Variants in ASPM observed in about 807,000 individuals in gnomAD.
ASPM encodes abnormal spindle-like microcephaly-associated protein.
In ASPM, 256 loss-of-function variants were observed where a neutral mutation model predicts 366.4. The ratio of observed to expected loss-of-function variants is 0.70; its 90% confidence interval spans 0.63 to 0.77. The LOEUF (loss-of-function observed/expected upper bound fraction) is 0.77. ASPM is among the 30% of genes least tolerant of loss of function. The pLI, the probability that ASPM is intolerant of heterozygous loss-of-function variation, is 0.00. For missense variants in ASPM, 4,146 were observed against 4,090.4 expected, an observed-to-expected ratio of 1.01 and a Z score of -0.37; for synonymous variants, 1,414 against 1,342.9, an observed-to-expected ratio of 1.05 and a Z score of -1.16.
At position 197,100,645 on chromosome 1, in the gene ASPM, T is replaced by C; in HGVS notation, c.8606A>G (p.Tyr2869Cys). 2 of 1,612,196 alleles carry C rather than the reference T, an allele frequency of 1.2e-6. No homozygotes were observed. The highest frequency in any genetic ancestry group is 1.7e-6 in the Non-Finnish European group (2 of 1,178,904). The change falls in exon 18 of 28, where the codon TAT becomes TGT. Residue 2869 changes from tyrosine to cysteine, a missense_variant. This residue lies in a region of ASPM where 3,624 missense variants were observed against 3,591.7 expected (regional missense o/e 1.01). Coordinates refer to ENST00000367409, the MANE Select transcript of ASPM (RefSeq NM_018136.5). The stretch of plus-strand genomic sequence containing the variant: ...TTTTCTGGTTTGCCACGTCCTAAAA[T>C]AATGCTGTAAAGTGATAGCAGCTCT... The part of the protein sequence containing the change: ...QKRAAITLQH[Y>C]FRTWQTRKQF...
In ASPM at chr1:197,124,833, T is replaced by C. The variant is rs776069144; in HGVS notation, c.3168+37A>G. On this transcript the variant is annotated intron_variant, in intron 12 of 27. Transcript: ENST00000367409. ...TGTTTTTATAAATCAGTAATCAAAA[T>C]TGATAAAAAATACAAGATGTACCAA... 9.5e-6 allele frequency: 14 copies of C among 1,468,878 alleles called. No homozygotes were observed. The South Asian group carries it at 1.3e-4, about 13-fold the overall frequency. The allele number at this position is 1,468,878 out of a possible 1,614,324, so 91.0% of individuals were successfully genotyped here.
intron 4 of ASPM, among the ~76,000 whole-genome samples, chr1:197,136,645 G>A (rs528867695): frequency 9.2e-5 from 14 of 151,760 alleles, no homozygotes; most frequent in East Asian, 3.9e-4. Flanking sequence ...ATACACAAAA[G>A]GAAATGAGAA....
intron 7 of ASPM, among the ~76,000 whole-genome samples, chr1:197,131,930 G>T (rs1432518412): frequency 6.6e-6 from 1 of 152,086 alleles, no homozygotes; most frequent in Non-Finnish European, 1.5e-5. Context: ...ACTTCACTGG[G>T]TTTTAAGAAA....
chr1:197,126,405 A>G (rs1252864291), intron 10 of ASPM, among the ~76,000 whole-genome samples: 2 of 135,328 alleles, frequency 1.5e-5, no homozygotes, highest in South Asian at 5.1e-4. Context: ...GTGCCACTGC[A>G]CGCCAGCCTG....
At position 197,089,958 on chromosome 1, in the gene ASPM, G is replaced by A; in HGVS notation, c.9956C>T (p.Ala3319Val). 1 of 1,613,176 alleles carries A rather than the reference G, an allele frequency of 6.2e-7. No individual in the cohort carries two copies. Among genetic ancestry groups the A allele is most frequent in the Non-Finnish European group, 8.5e-7 (1 of 1,179,436 alleles). ...SIPCMEVIRYAVQVLLNVSKY... is the reference protein window; with the variant it reads ...SIPCMEVIRYVVQVLLNVSKY... ...AGATACATTAAGCAAGACTTGCACA[G>A]CATATCTGATGACTTCCATACAAGG... The change falls in exon 25 of 28, where the codon GCT (alanine) becomes GTT (valine). Residue 3319 changes from alanine (A) to valine (V), a missense_variant. This residue lies in a region of ASPM where 3,624 missense variants were observed against 3,591.7 expected (regional missense o/e 1.01). Coordinates refer to ENST00000367409, the MANE Select transcript of ASPM (RefSeq NM_018136.5).
rs151142538 is a variant in ASPM, at chr1:197,093,070, A to G, written c.9276T>C (p.Gly3092=). ...TACTTACTCTTTTTCGTACTAGCCA[A>G]CCACGCACCAGTGCTTGTAGGATAA... The part of the protein sequence containing the change: ...STVILQALVR[G]WLVRKRFLEQ... Residue 3092 remains glycine (G), a synonymous_variant, in exon 21 of 28, where the codon GGT becomes GGC. Transcript: ENST00000367409. 1.8e-4 allele frequency: 294 copies of G among 1,610,864 alleles called. 1 individual carries two copies. The African/African-American group carries it at 3.7e-3, about 20-fold the overall frequency.
chr1:197,129,372 TC>T, intron 8 of ASPM, 55 bp from the exon 9 acceptor site: 1 of 1,555,600 alleles, frequency 6.4e-7, no homozygotes, highest in Non-Finnish European at 8.8e-7. Context: ...GTAGGTTTCA[TC>T]TTAAAATATG....
intron 18 of ASPM, 111 bp from the exon 19 acceptor site, chr1:197,096,275 A>T: frequency 1.1e-6 from 1 of 927,990 alleles, no homozygotes; most frequent in South Asian, 1.4e-5. Context: ...GACAAAAATA[A>T]ATTGCATAGT....
rs144909154 is a variant in ASPM, at chr1:197,104,257, T to C, written c.4994A>G (p.Tyr1665Cys). ...CTTTTTAGAAACATAAGCACGATAA[T>C]ATGATTGAATCTTTATAACAGATGT... is the stretch of plus-strand genomic sequence containing the variant. ...ILTSVIKIQSYYRAYVSKKEF... is the reference protein window; with the variant it reads ...ILTSVIKIQSCYRAYVSKKEF... Residue 1665 changes from tyrosine (Y) to cysteine (C), a missense_variant, in exon 18 of 28, where the codon TAT (tyrosine) becomes TGT (cysteine). Transcript: ENST00000367409. 5 of 1,612,800 alleles carry C rather than the reference T, an allele frequency of 3.1e-6. No individual in the cohort carries two copies. In the African/African-American group the frequency reaches 5.3e-5, roughly 17 times the overall value.
chr1:197,118,067 C>A, intron 16 of ASPM, 84 bp from the exon 17 acceptor site: 1 of 1,282,770 alleles, frequency 7.8e-7, no homozygotes, highest in Non-Finnish European at 1.1e-6. Flanking sequence ...ATATGTTAAA[C>A]ACCAATCAAA....
rs371985944 is a variant in ASPM, at chr1:197,103,322, T to A, written c.5929A>T (p.Ile1977Leu). 133 of 1,613,100 alleles carry A rather than the reference T, an allele frequency of 8.2e-5. No homozygotes were observed. The highest frequency in any genetic ancestry group is 1.1e-4 in the Non-Finnish European group (131 of 1,179,440). ...ACATGCATTCTATAGTATGACTGTA[T>A]GATGATAGCACATTTATGTTGCCTT... ...LQRQHKCAII[I>L]QSYYRMHVQQ... Residue 1977 changes from isoleucine (I) to leucine (L), a missense_variant, in exon 18 of 28, where the codon ATA becomes TTA. Ile to Leu is a conservative substitution (Grantham distance 5). Coordinates refer to ENST00000367409, the MANE Select transcript of ASPM (RefSeq NM_018136.5).
chr1:197,127,870 A>G (rs997242190), intron 10 of ASPM, among the ~76,000 whole-genome samples: 3 of 152,152 alleles, frequency 2.0e-5, no homozygotes, highest in African/African-American at 7.2e-5. Context: ...ACTGTCAATA[A>G]AAAGTGTCAT....
At chr1:197,089,849 A>T in intron 25 of ASPM, 81 bp downstream of exon 25, 1 of 1,318,830 alleles carries the variant, frequency 7.6e-7, no homozygotes, top group Non-Finnish European at 1.1e-6. Flanking sequence ...TTTAAGCCCT[A>T]GTGATGAGTA....
chr1:197,115,374 C>T (rs543385433), intron 17 of ASPM, among the ~76,000 whole-genome samples: 112 of 152,276 alleles, frequency 7.4e-4, no homozygotes, highest in Non-Finnish European at 1.4e-3. Flanking sequence ...CCATCGAAGT[C>T]ATCCATAAAA....
chr1:197,140,856 G>C (rs1306908725), intron 3 of ASPM, among the ~76,000 whole-genome samples: 1 of 152,142 alleles, frequency 6.6e-6, no homozygotes, highest in Non-Finnish European at 1.5e-5. Flanking sequence ...TATTTTAATA[G>C]TGGAAGAAAC....
rs761067134 is a variant in ASPM at position 197,103,737 on chromosome 1, A to G, written c.5514T>C (p.Tyr1838=). The change falls in exon 18 of 28, where the codon TAT becomes TAC. Residue 1838 remains tyrosine (Y), a synonymous_variant. Transcript: ENST00000367409. ...ALKIQSAFRG[Y]NKRVKYQSVL... Reference sequence around the variant, plus strand: ...CAGATTGATATTTTACCCTTTTATTATAGCCTCTAAAAGCAGACTGAATTT... The same window carrying G: ...CAGATTGATATTTTACCCTTTTATTGTAGCCTCTAAAAGCAGACTGAATTT... 2.5e-6 allele frequency: 4 copies of G among 1,612,766 alleles called. No individual in the cohort carries two copies. The highest frequency in any genetic ancestry group is 3.4e-6 in the Non-Finnish European group (4 of 1,179,278).
At chr1:197,128,327 G>A (rs1223240740) in intron 10 of ASPM, among the ~76,000 whole-genome samples, 163 bp downstream of exon 10, 3 of 137,988 alleles carry the variant, frequency 2.2e-5, no homozygotes, top group African/African-American at 7.8e-5. Context: ...ACATAACATT[G>A]ATGTACCACT....
At chr1:197,146,063 A>G (rs1192737700) in intron 1 of ASPM, 78 bp downstream of exon 1, 19 of 1,571,330 alleles carry the variant, frequency 1.2e-5, no homozygotes, top group Non-Finnish European at 1.6e-5. Context: ...CCAATCGTCA[A>G]CCTTCCTGAG....
Position 197,090,847 on chromosome 1 carries a change from T to C in ASPM, c.9636+3A>G. 1 of 1,610,978 alleles carries C rather than the reference T, an allele frequency of 6.2e-7. No individual in the cohort carries two copies. The highest frequency in any genetic ancestry group is 8.5e-7 in the Non-Finnish European group (1 of 1,177,800). Reference sequence around the variant, plus strand: ...GAACTAAAACTATACAAGTTTCAATTACCTGAATTTTAATGATTCCACTAG... The same window carrying C: ...GAACTAAAACTATACAAGTTTCAATCACCTGAATTTTAATGATTCCACTAG... On this transcript the variant is annotated splice_donor_region_variant and intron_variant, in intron 23 of 27. Coordinates refer to ENST00000367409, the MANE Select transcript of ASPM (RefSeq NM_018136.5).
Sources: allele counts gnomAD v4.1 joint callset (sites outside exome capture counted in the v4.1 genomes callset), GRCh38; gene constraint gnomAD v4.1.1; regional missense constraint gnomAD v4.1.1; transcripts MANE v1.5; gene names NCBI Gene and HGNC (gene_info 2026-07-23, HGNC 2026-07-21).